The following SEC11A variants were observed in gnomAD, a reference collection of about 807,000 sequenced individuals.
SEC11A encodes signal peptidase complex catalytic subunit SEC11A.
In SEC11A, 14 loss-of-function variants were observed where a neutral mutation model predicts 25.6. That is an observed-to-expected ratio of 0.55 (90% CI 0.36 to 0.85). The LOEUF is 0.85. Among genes scored for constraint, SEC11A ranks in the 40% least tolerant of loss-of-function variants. The pLI, the probability that SEC11A is intolerant of heterozygous loss-of-function variation, is 0.01. For synonymous variants in SEC11A, 83 were observed against 76.4 expected, an observed-to-expected ratio of 1.09 and a Z score of -0.45; for missense variants, 153 against 222.9, an observed-to-expected ratio of 0.69 and a Z score of 2.00.
Position 84,716,071 on chromosome 15 carries a change from A to C in SEC11A, c.5T>G (p.Leu2Arg). ...CACATCGTCCAAAAAGTCTAGAGAC[A>C]GCATGGCGGGGACGGCGAGCAGGAC... MLSLDFLDDVRR... is the reference protein window; with the variant it reads MRSLDFLDDVRR... Residue 2 changes from leucine to arginine, a missense_variant, in exon 1 of 6, where the codon CTG becomes CGG. By Grantham distance (102) the Leu-to-Arg change is moderately radical. Coordinates refer to ENST00000268220, the MANE Select transcript of SEC11A (RefSeq NM_014300.4). 1.9e-6 allele frequency: 3 copies of C among 1,613,776 alleles called. No individual in the cohort carries two copies. Among genetic ancestry groups the C allele is most frequent in the Non-Finnish European group, 2.5e-6 (3 of 1,179,768 alleles).
Position 84,691,603 on chromosome 15 carries a change from C to G in SEC11A, c.93G>C (p.Ser31=). The G allele has an allele frequency of 6.8e-6, 11 of 1,612,792 alleles. No individual in the cohort carries two copies. Among genetic ancestry groups the G allele is most frequent in the African/African-American group, 1.3e-5 (1 of 74,940 alleles). Residue 31 remains serine, a synonymous_variant, in exon 2 of 6, where the codon TCG becomes TCC. Transcript: ENST00000268220. ...QVLNFGMIVS[S]ALMIWKGLMV... ...TTAACCCCTTCCAGATCATTAGTGC[C>G]GATGAGACAATCATTCCAAAATTTA...
chr15:84,712,759 A>G (rs1326233466), intron 1 of SEC11A, among the ~76,000 whole-genome samples: 1 of 152,028 alleles, frequency 6.6e-6, no homozygotes, highest in African/African-American at 2.4e-5. Context: ...AAACTGATTA[A>G]AACTCCAAAG....
chr15:84,710,493 C>T (rs112474675), intron 1 of SEC11A, among the ~76,000 whole-genome samples: 1,838 of 151,990 alleles, frequency 0.012, 35 homozygotes, highest in African/African-American at 0.041. Context: ...AAAAATTAGC[C>T]GGGAGTGGTG....
chr15:84,669,775 T>A lies in SEC11A; in HGVS notation c.*244A>T, dbSNP rs116233898. 0.011 allele frequency: 5,339 copies of A among 492,760 alleles called. 237 individuals carry two copies. The highest frequency in any genetic ancestry group is 0.093 in the African/African-American group (4,716 of 50,790). The allele number at this position is 492,760 out of a possible 1,614,324, so 30.5% of individuals were successfully genotyped here. On this transcript the variant is annotated 3_prime_UTR_variant, in exon 6 of 6. Coordinates refer to ENST00000268220, the MANE Select transcript of SEC11A (RefSeq NM_014300.4). The stretch of plus-strand genomic sequence containing the variant: ...AAAAAAATTCACTGATGTACAAAAA[T>A]TTGAAAGTGTGACAATGACAATTAT...
At chr15:84,678,192 C>T (rs569067115) in intron 4 of SEC11A, among the ~76,000 whole-genome samples, 99 of 151,408 alleles carry the variant, frequency 6.5e-4, no homozygotes, top group African/African-American at 1.9e-3. Context: ...GCAAGACTCT[C>T]CAGCCTGGGC....
At chr15:84,678,217 C>G (rs1395234748) in intron 4 of SEC11A, among the ~76,000 whole-genome samples, 1 of 151,112 alleles carries the variant, frequency 6.6e-6, no homozygotes, top group Admixed American at 6.6e-5. Context: ...GAGCAAGACT[C>G]TGCCTCAAAA....
At chr15:84,677,035 G>A (rs1897153521) in intron 4 of SEC11A, among the ~76,000 whole-genome samples, 1 of 151,972 alleles carries the variant, frequency 6.6e-6, no homozygotes, top group African/African-American at 2.4e-5. Flanking sequence ...AGGTTGCAGT[G>A]AGCCATGATT....
intron 1 of SEC11A, among the ~76,000 whole-genome samples, chr15:84,704,955 C>T (rs547833689): frequency 2.2e-4 from 33 of 149,942 alleles, no homozygotes; most frequent in African/African-American, 7.9e-4. Context: ...GAAAGGGTCT[C>T]ATTCTGTTGC....
At chr15:84,694,342 A>C (rs1596077408) in intron 1 of SEC11A, among the ~76,000 whole-genome samples, 2 of 152,028 alleles carry the variant, frequency 1.3e-5, no homozygotes, top group East Asian at 3.9e-4. Flanking sequence ...GCAACTGAGC[A>C]AGACTCTCTC....
chr15:84,714,390 G>A (rs1898392316), intron 1 of SEC11A, among the ~76,000 whole-genome samples: 1 of 152,138 alleles, frequency 6.6e-6, no homozygotes, highest in African/African-American at 2.4e-5. Flanking sequence ...CTCACCATGT[G>A]CCAGACACTC....
rs565074337 is a variant in SEC11A, at chr15:84,673,239, C to T, written c.432-2457G>A. 9 of 200,662 alleles carry T rather than the reference C, an allele frequency of 4.5e-5. No homozygotes were observed. In the East Asian group the frequency reaches 5.0e-4, roughly 11 times the overall value. 12.4% of individuals were successfully genotyped at this position (200,662 alleles called of 1,614,324 possible). A position where few individuals can be genotyped will look rare whatever the true frequency, so the allele number is the denominator to read the frequency against. On this transcript the variant is annotated intron_variant, in intron 4 of 5. Coordinates refer to ENST00000268220, the MANE Select transcript of SEC11A (RefSeq NM_014300.4). ...GGAGCCCCTCTGCCCGGCCACCACCCGGTCTGGGAGGAGTACCCAACAGCT... is the reference window on the plus strand; with the variant it reads ...GGAGCCCCTCTGCCCGGCCACCACCTGGTCTGGGAGGAGTACCCAACAGCT...
At chr15:84,691,073 CTTTTT>C (rs199982469) in intron 2 of SEC11A, among the ~76,000 whole-genome samples, 1 of 132,978 alleles carries the variant, frequency 7.5e-6, no homozygotes, top group Admixed American at 7.9e-5. Flanking sequence ...TCTTTTCTCT[CTTTTT>C]TTTTTTTTTT....
chr15:84,706,711 A>C (rs1052258813), intron 1 of SEC11A, among the ~76,000 whole-genome samples: 5 of 152,224 alleles, frequency 3.3e-5, no homozygotes, highest in African/African-American at 1.2e-4. Flanking sequence ...GTGTGTATAG[A>C]TGCCAAGTTG....
At chr15:84,676,088 C>T (rs772969731) in intron 4 of SEC11A, among the ~76,000 whole-genome samples, 8 of 152,206 alleles carry the variant, frequency 5.3e-5, no homozygotes, top group Non-Finnish European at 1.2e-4. Context: ...GTGATGGTTG[C>T]ACAATCTTGT....
At chr15:84,711,718 G>A (rs992175880) in intron 1 of SEC11A, among the ~76,000 whole-genome samples, 2 of 149,986 alleles carry the variant, frequency 1.3e-5, no homozygotes, top group Admixed American at 6.6e-5. Flanking sequence ...ACTTGGTTGC[G>A]GTGAGCCGAG....
In SEC11A at chr15:84,669,957, C is replaced by A. The variant is rs757796964; in HGVS notation, c.*62G>T. 2.5e-6 allele frequency: 4 copies of A among 1,610,786 alleles called. No individual in the cohort carries two copies. Among genetic ancestry groups the A allele is most frequent in the Non-Finnish European group, 3.4e-6 (4 of 1,178,756 alleles). ...CATTCCACCAATCACAGACCAGTAT[C>A]TACTCCAAACATCCAGTAACGAAAA... On this transcript the variant is annotated 3_prime_UTR_variant, in exon 6 of 6. Coordinates refer to ENST00000268220, the MANE Select transcript of SEC11A (RefSeq NM_014300.4).
intron 3 of SEC11A, among the ~76,000 whole-genome samples, chr15:84,683,649 C>T (rs1349330647): frequency 6.6e-6 from 1 of 151,898 alleles, no homozygotes; most frequent in Non-Finnish European, 1.5e-5. Flanking sequence ...CTCAGCCTCC[C>T]GAGCAGCTGG....
rs181526201 is a variant in SEC11A at position 84,687,508 on chromosome 15, C to T, written c.311+117G>A. ...ACTTTCCAGCATTCATAAAAATGGA[C>T]TGGAAGAAGGCCTAGAGGTTCCTCA... is the stretch of plus-strand genomic sequence containing the variant. On this transcript the variant is annotated intron_variant, in intron 3 of 5. Coordinates refer to ENST00000268220, the MANE Select transcript of SEC11A (RefSeq NM_014300.4). 4 of 705,956 alleles carry T rather than the reference C, an allele frequency of 5.7e-6. No homozygotes were observed. The Admixed American group carries it at 1.2e-4, about 22-fold the overall frequency. 43.7% of individuals were successfully genotyped at this position (705,956 alleles called of 1,614,324 possible).
chr15:84,687,361 T>A (rs569183108), intron 3 of SEC11A, among the ~76,000 whole-genome samples: 1 of 152,292 alleles, frequency 6.6e-6, no homozygotes, highest in African/African-American at 2.4e-5. Flanking sequence ...TTTTTGGAAT[T>A]ATATACAGAG....
Sources: gnomAD v4.1 joint callset for allele counts (sites outside exome capture counted in the v4.1 genomes callset) on GRCh38, gnomAD v4.1.1 for gene constraint, MANE v1.5 for transcripts, NCBI Gene and HGNC (gene_info 2026-07-23, HGNC 2026-07-21) for gene names.